Variants in RASSF5 observed in about 807,000 individuals in gnomAD.
RASSF5 encodes ras association domain-containing protein 5.
In RASSF5, 25 loss-of-function variants were observed where a neutral mutation model predicts 40.5. The ratio of observed to expected loss-of-function variants is 0.62; its 90% confidence interval spans 0.45 to 0.86. The LOEUF is 0.86. Ranked by LOEUF, RASSF5 falls within the 40% of genes least tolerant of loss-of-function variation. RASSF5 has a pLI of 0.00. For synonymous variants in RASSF5, 246 were observed against 252.4 expected (o/e 0.97, Z 0.24); for missense variants, 521 against 572.8 (o/e 0.91, Z 0.92).
chr1:206,523,835 ATT>A (rs1667004086), intron 1 of RASSF5, among the ~76,000 whole-genome samples: 1 of 106,312 alleles, frequency 9.4e-6, no homozygotes, highest in African/African-American at 3.9e-5. Context: ...TATATAATAT[ATT>A]TTATATATAC....
chr1:206,583,390 G>A lies in RASSF5; in HGVS notation c.690+11G>A, dbSNP rs370992288. On this transcript the variant is annotated intron_variant, in intron 3 of 5. Transcript: ENST00000579436. ...CTGGGCATGAAACTGGTAAGCGCCC[G>A]TCCACCCTCAACCTGGCCCCTGCTC... The A allele has an allele frequency of 1.6e-5, 26 of 1,585,176 alleles. No homozygotes were observed. Among genetic ancestry groups the A allele is most frequent in the Middle Eastern group, 1.7e-4 (1 of 6,034 alleles).
intron 2 of RASSF5, among the ~76,000 whole-genome samples, chr1:206,554,313 C>T (rs571672553): frequency 1.3e-5 from 2 of 152,322 alleles, no homozygotes; most frequent in African/African-American, 4.8e-5. Flanking sequence ...TCCTGACTTC[C>T]AGTCCTGTAT....
chr1:206,562,313 C>T (rs1041371853), intron 2 of RASSF5, among the ~76,000 whole-genome samples: 5 of 152,140 alleles, frequency 3.3e-5, no homozygotes, highest in African/African-American at 1.2e-4. Context: ...CTCACCACCT[C>T]GGCATGAGAG....
chr1:206,570,403 C>T (rs1553404017), intron 2 of RASSF5, among the ~76,000 whole-genome samples: 1 of 152,042 alleles, frequency 6.6e-6, no homozygotes, highest in Non-Finnish European at 1.5e-5. Flanking sequence ...CAAAATGTAC[C>T]ATTCTTAAGT....
intron 1 of RASSF5, among the ~76,000 whole-genome samples, chr1:206,523,869 T>C (rs35396988): frequency 9.1e-6 from 1 of 109,712 alleles, no homozygotes; most frequent in Non-Finnish European, 1.6e-5. Context: ...TTTTATATAT[T>C]ATATATTTTA....
intron 1 of RASSF5, among the ~76,000 whole-genome samples, chr1:206,523,724 T>TATATATTATATATA (rs1553396576): frequency 1.2e-4 from 2 of 17,146 alleles, no homozygotes; most frequent in East Asian, 0.011. Flanking sequence ...ACAATATATT[T>TATATATTATATATA]ATATATTATA....
chr1:206,508,026 CGA>C lies in RASSF5; in HGVS notation c.428_429del (p.Glu143GlyfsTer10), dbSNP rs782107881. The C allele has an allele frequency of 1.4e-6, 2 of 1,437,550 alleles. No individual in the cohort carries two copies. Among genetic ancestry groups the C allele is most frequent in the Non-Finnish European group, 1.8e-6 (2 of 1,095,418 alleles). 89.0% of individuals were successfully genotyped at this position (1,437,550 alleles called of 1,614,324 possible). The part of the protein sequence containing the change: ...GGPGWCDLCG[R>X]EVLRQALRCT... ...CCCCGGCTGGTGTGACCTGTGCGGA[CGA>C]GAGGTGCTGCGGCAGGCGCTGCGCT... is the stretch of plus-strand genomic sequence containing the variant. On this transcript the variant is annotated frameshift_variant, in exon 1 of 6. Transcript: ENST00000579436. LOFTEE classifies it high-confidence loss of function.
intron 2 of RASSF5, among the ~76,000 whole-genome samples, chr1:206,546,283 AC>A (rs1437784771): frequency 6.7e-6 from 1 of 150,258 alleles, no homozygotes; most frequent in African/African-American, 2.5e-5. Context: ...ACTTTTTTGT[AC>A]TTTTCGTAGA....
chr1:206,521,748 C>A (rs1666914772), intron 1 of RASSF5, among the ~76,000 whole-genome samples: 1 of 152,222 alleles, frequency 6.6e-6, no homozygotes, highest in Admixed American at 6.5e-5. Flanking sequence ...GTGCCCCTCA[C>A]TTCTAGAGCC....
chr1:206,531,866 T>G lies in RASSF5; in HGVS notation c.458-6306T>G, dbSNP rs1667244929. Among the ~76,000 whole-genome samples the G allele has an allele frequency of 6.7e-6, 1 of 148,786 alleles. No individual in the cohort carries two copies. Among genetic ancestry groups the G allele is most frequent in the Non-Finnish European group, 1.5e-5 (1 of 67,736 alleles). On this transcript the variant is annotated intron_variant, in intron 1 of 5. Coordinates refer to ENST00000579436, the MANE Select transcript of RASSF5 (RefSeq NM_182663.4). The surrounding 1 kb of genome is among the most constrained non-coding windows in gnomAD (Gnocchi z 4.7). ...TCCTGGCTAACATAGTGAAACCCTG[T>G]CTCTACTAAAAAAAAATAAATAAAT...
At position 206,508,003 on chromosome 1, in the gene RASSF5, C is replaced by T. The variant is rs781816978; in HGVS notation, c.401C>T (p.Pro134Leu). The stretch of plus-strand genomic sequence containing the variant: ...GCCGAGTTGGTGCTGCCGGGCGGCC[C>T]CGGCTGGTGTGACCTGTGCGGACGA... ...CFAELVLPGG[P>L]GWCDLCGREV... Residue 134 changes from proline (P) to leucine (L), a missense_variant, in exon 1 of 6, where the codon CCC (proline) becomes CTC (leucine). By Grantham distance (98) the Pro-to-Leu change is moderately conservative. Transcript: ENST00000579436. The T allele has an allele frequency of 1.3e-6, 2 of 1,506,434 alleles. No individual in the cohort carries two copies. The highest frequency in any genetic ancestry group is 4.1e-5 in the Admixed American group (2 of 48,674). 93.3% of individuals were successfully genotyped at this position (1,506,434 alleles called of 1,614,324 possible). A position where few individuals can be genotyped will look rare whatever the true frequency, so the allele number is the denominator to read the frequency against.
intron 2 of RASSF5, among the ~76,000 whole-genome samples, chr1:206,568,487 C>T (rs1668343254): frequency 6.6e-6 from 1 of 152,180 alleles, no homozygotes; most frequent in Non-Finnish European, 1.5e-5. Context: ...CCCCTTCTAG[C>T]AAGCATGGGC....
intron 1 of RASSF5, among the ~76,000 whole-genome samples, chr1:206,537,492 A>G (rs1667446286): frequency 1.3e-5 from 2 of 152,204 alleles, no homozygotes; most frequent in Non-Finnish European, 2.9e-5. Flanking sequence ...AGAAGCAGGC[A>G]GGGGAGCTAT....
intron 1 of RASSF5, among the ~76,000 whole-genome samples, chr1:206,528,732 G>A (rs1313512392): frequency 6.6e-6 from 1 of 152,044 alleles, no homozygotes; most frequent in Non-Finnish European, 1.5e-5. Flanking sequence ...TTCCAAAAAA[G>A]TCTATTTTAA....
At chr1:206,557,715 A>AT in intron 2 of RASSF5, 1 of 1,613,122 alleles carries the variant, frequency 6.2e-7, no homozygotes, top group South Asian at 1.1e-5. Context: ...AATGGAATGC[A>AT]GGAGCCTTTC....
At position 206,588,976 on chromosome 1, in the gene RASSF5, C is replaced by T. The variant is rs1358406938; in HGVS notation, c.*1998C>T. On this transcript the variant is annotated 3_prime_UTR_variant, in exon 6 of 6. Coordinates refer to ENST00000579436, the MANE Select transcript of RASSF5 (RefSeq NM_182663.4). ...AAAAAAAAAGTCATGTATATATACA[C>T]ATAAAGGCATATAGCTATATATAAA... 1 of 152,652 alleles carries T rather than the reference C, an allele frequency of 6.6e-6. No individual in the cohort carries two copies. The highest frequency in any genetic ancestry group is 6.5e-5 in the Admixed American group (1 of 15,270). The allele number at this position is 152,652 out of a possible 1,614,324, so 9.5% of individuals were successfully genotyped here.
At chr1:206,569,783 A>G (rs377606348) in intron 2 of RASSF5, among the ~76,000 whole-genome samples, 11 of 152,306 alleles carry the variant, frequency 7.2e-5, no homozygotes, top group East Asian at 3.9e-4. Flanking sequence ...CATGCCCGCT[A>G]CGACTGCAGC....
At chr1:206,523,688 T>TAAAATATATTATATATAAA in intron 1 of RASSF5, among the ~76,000 whole-genome samples, 1 of 86,428 alleles carries the variant, frequency 1.2e-5, no homozygotes, top group Admixed American at 2.0e-4. Flanking sequence ...TATAAATATA[T>TAAAATATATTATATATAAA]TATATATAAT....
intron 1 of RASSF5, among the ~76,000 whole-genome samples, chr1:206,520,470 G>A (rs1484507083): frequency 6.6e-6 from 1 of 152,154 alleles, no homozygotes; most frequent in African/African-American, 2.4e-5. Context: ...AGCTGGGCAA[G>A]GAGATGGGCA....
Sources: gnomAD v4.1 joint callset for allele counts (sites outside exome capture counted in the v4.1 genomes callset) on GRCh38, gnomAD v4.1.1 for gene constraint, Gnocchi (gnomAD v3.1) non-coding constraint, MANE v1.5 for transcripts, NCBI Gene and HGNC (gene_info 2026-07-23, HGNC 2026-07-21) for gene names.